DPP6: variants seen among roughly 807,000 people sequenced by gnomAD.
DPP6 encodes A-type potassium channel modulatory protein DPP6.
In DPP6, 69 loss-of-function variants were observed where a neutral mutation model predicts 122.6. The ratio of observed to expected loss-of-function variants is 0.56; its 90% CI spans 0.46 to 0.69. The LOEUF (loss-of-function observed/expected upper bound fraction) is 0.69. Ranked by LOEUF, DPP6 falls within the 30% of genes least tolerant of loss-of-function variation. DPP6 has a pLI of 0.00. For synonymous variants in DPP6, 418 were observed against 433.1 expected (o/e 0.97, Z 0.43); for missense variants, 928 against 1,116.9 (o/e 0.83, Z 2.41).
chr7:154,668,097 G>A (rs1200465867), intron 6 of DPP6, among the ~76,000 whole-genome samples: 1 of 147,850 alleles, frequency 6.8e-6, no homozygotes, highest in African/African-American at 2.5e-5. Flanking sequence ...CATCTCCTTT[G>A]TTCATGCAAC....
the DPP6 span, among the ~76,000 whole-genome samples, chr7:153,845,072 A>G: frequency 6.6e-6 from 1 of 152,190 alleles, no homozygotes; most frequent in South Asian, 2.1e-4. Context: ...ATTGGCTTTA[A>G]CAGATGGATT....
intron 8 of DPP6, among the ~76,000 whole-genome samples, chr7:154,740,625 G>A (rs1842774794): frequency 1.3e-5 from 2 of 152,146 alleles, no homozygotes; most frequent in Non-Finnish European, 2.9e-5. Flanking sequence ...AGCACACAGC[G>A]TTGATGGTAT....
rs1806924988 is a variant in DPP6 at position 154,115,558 on chromosome 7, C to T, written c.243+62495C>T. On this transcript the variant is annotated intron_variant, in intron 1 of 25. Transcript: ENST00000377770. Reference sequence around the variant, plus strand: ...TACCTGCTGCTGCATCTTGATTGTCCATGGGTGGGGTCTACTCCTGAGGTC... The same window carrying T: ...TACCTGCTGCTGCATCTTGATTGTCTATGGGTGGGGTCTACTCCTGAGGTC... Among the ~76,000 whole-genome samples the T allele has an allele frequency of 3.3e-5, 5 of 152,292 alleles. No individual in the cohort carries two copies. In the South Asian group the frequency reaches 1.0e-3, roughly 32 times the overall value.
intron 1 of DPP6, among the ~76,000 whole-genome samples, chr7:154,143,516 A>G (rs1487540286): frequency 1.3e-5 from 2 of 151,808 alleles, no homozygotes; most frequent in African/African-American, 4.8e-5. Context: ...TAAACAAACA[A>G]AAGGGAAATA....
chr7:154,356,502 A>T (rs1811277449), intron 1 of DPP6, among the ~76,000 whole-genome samples: 2 of 152,170 alleles, frequency 1.3e-5, no homozygotes, highest in South Asian at 4.1e-4. Context: ...CAGGAGTTTG[A>T]GGTTGTAGTG....
At chr7:154,423,792 ATGAGT>A (rs1325168760) in intron 1 of DPP6, among the ~76,000 whole-genome samples, 3 of 152,252 alleles carry the variant, frequency 2.0e-5, no homozygotes, top group Non-Finnish European at 4.4e-5. Flanking sequence ...ACTTTTCTAA[ATGAGT>A]TGAGTTTTGC....
chr7:154,220,468 A>G (rs1007856679), intron 1 of DPP6, among the ~76,000 whole-genome samples: 1 of 152,204 alleles, frequency 6.6e-6, no homozygotes, highest in Non-Finnish European at 1.5e-5. Context: ...ACTATTGGGC[A>G]TTAGACTTAG....
the DPP6 span, among the ~76,000 whole-genome samples, chr7:153,767,168 C>T: frequency 6.6e-6 from 1 of 152,110 alleles, no homozygotes. Context: ...CTTGATTATC[C>T]AAGTGATGCT....
intron 1 of DPP6, among the ~76,000 whole-genome samples, chr7:154,237,450 G>T (rs1801290511): frequency 2.6e-5 from 4 of 152,204 alleles, no homozygotes; most frequent in Admixed American, 2.0e-4. Flanking sequence ...TTTACAGTGT[G>T]CTGTGGGCCA....
chr7:154,538,447 A>G (rs80206856), intron 3 of DPP6, among the ~76,000 whole-genome samples: 4,961 of 151,898 alleles, frequency 0.033, 272 homozygotes, highest in African/African-American at 0.11. Flanking sequence ...CTGTGTTTTC[A>G]TTGTTCAGCT....
At chr7:154,788,470 A>G (rs571179456) in intron 10 of DPP6, among the ~76,000 whole-genome samples, 1 of 152,134 alleles carries the variant, frequency 6.6e-6, no homozygotes, top group Admixed American at 6.5e-5. Flanking sequence ...TAGAAGATAC[A>G]CTTTAATACA....
chr7:153,978,920 T>C (rs1274353681), intron 1 of DPP6, among the ~76,000 whole-genome samples: 1 of 152,110 alleles, frequency 6.6e-6, no homozygotes, highest in Non-Finnish European at 1.5e-5. Flanking sequence ...TCTGTTTTGG[T>C]AACAGTACCG....
At chr7:154,732,716 T>C (rs1842397566) in intron 8 of DPP6, among the ~76,000 whole-genome samples, 1 of 152,214 alleles carries the variant, frequency 6.6e-6, no homozygotes. Context: ...ATTCCAGGGC[T>C]GGATTTTCCT....
At chr7:153,864,549 A>G in the DPP6 span, among the ~76,000 whole-genome samples, 17 of 152,002 alleles carry the variant, frequency 1.1e-4, 1 homozygote, top group Admixed American at 9.8e-4. Context: ...CCAGCTACTC[A>G]GGAGGCTGAG....
At chr7:153,820,343 C>A in the DPP6 span, among the ~76,000 whole-genome samples, 1 of 152,198 alleles carries the variant, frequency 6.6e-6, no homozygotes, top group East Asian at 1.9e-4. Flanking sequence ...CAAATAAACC[C>A]TGTAATCTCA....
intron 1 of DPP6, among the ~76,000 whole-genome samples, chr7:154,082,120 G>A (rs1387966098): frequency 2.0e-5 from 3 of 152,090 alleles, no homozygotes; most frequent in East Asian, 1.9e-4. Flanking sequence ...CATCGTCTAC[G>A]GGAGATGGTG....
rs1801270535 is a variant in DPP6, at chr7:153,933,459, A to AT, written c.51+45726dup. Among the ~76,000 whole-genome samples the AT allele has an allele frequency of 2.0e-5, 3 of 152,204 alleles. No homozygotes were observed. In the South Asian group the frequency reaches 6.2e-4, roughly 32 times the overall value. Reference sequence around the variant, plus strand: ...AACTAGAAGGAAAAACAGTACAAGAATATTCTGTGTCTTTATCAACAGCAC... The same window carrying AT: ...AACTAGAAGGAAAAACAGTACAAGAATTATTCTGTGTCTTTATCAACAGCAC... On this transcript the variant is annotated intron_variant, in intron 1 of 25. Coordinates refer to the DPP6 transcript ENST00000404039.
At position 154,054,264 on chromosome 7, in the gene DPP6, C is replaced by T. The variant is rs1409920901; in HGVS notation, c.243+1201C>T. ...ATTACCTCTCTGCAGCCTCCAGCCA[C>T]GCTGGTTCCCTGTTTCGTATTTCTT... On this transcript the variant is annotated intron_variant, in intron 1 of 25. Coordinates refer to ENST00000377770, the MANE Select transcript of DPP6 (RefSeq NM_130797.4). Among the ~76,000 whole-genome samples, 6 of 152,292 alleles carry T rather than the reference C, an allele frequency of 3.9e-5. No homozygotes were observed. The East Asian group carries it at 9.7e-4, about 25-fold the overall frequency.
In DPP6 at chr7:153,901,807, T is replaced by A. The variant is rs576632301; in HGVS notation, c.51+14073T>A. On this transcript the variant is annotated intron_variant, in intron 1 of 25. Coordinates refer to the DPP6 transcript ENST00000404039. ...GGTGAATTCAGGTTGTTACATGGTC[T>A]TGCCACAAGTGCATCTTATTCTAGA... Among the ~76,000 whole-genome samples, 88 of 152,194 alleles carry A rather than the reference T, an allele frequency of 5.8e-4. 1 individual carries two copies. Among genetic ancestry groups the A allele is most frequent in the Non-Finnish European group, 1.0e-3 (71 of 68,032 alleles).
Sources: allele counts gnomAD v4.1 joint callset (sites outside exome capture counted in the v4.1 genomes callset), GRCh38; gene constraint gnomAD v4.1.1; transcripts MANE v1.5; gene names NCBI Gene and HGNC (gene_info 2026-07-23, HGNC 2026-07-21).